Variants in RTN1 observed in about 807,000 individuals in gnomAD.
The protein encoded by RTN1 is reticulon-1.
In RTN1, 25 loss-of-function variants were observed where a neutral mutation model predicts 65.5. The ratio of observed to expected loss-of-function variants is 0.38; its 90% CI spans 0.28 to 0.53. The LOEUF is 0.53. Ranked by LOEUF, RTN1 falls within the 20% of genes least tolerant of loss-of-function variation. The pLI, the probability that RTN1 is intolerant of heterozygous loss-of-function variation, is 0.79. For missense variants in RTN1, 983 were observed against 1,025.4 expected (o/e 0.96, Z 0.57); for synonymous variants, 471 against 447.6 (o/e 1.05, Z -0.66).
At chr14:59,714,921 G>A (rs995262305) in intron 3 of RTN1, among the ~76,000 whole-genome samples, 1 of 152,210 alleles carries the variant, frequency 6.6e-6, no homozygotes, top group Non-Finnish European at 1.5e-5. Context: ...GACACTAGGA[G>A]ATTAGATTCT....
In RTN1 at chr14:59,819,425, ACCCCC is replaced by A. The variant is rs1886891981; in HGVS notation, c.241+50960_241+50964del. Among the ~76,000 whole-genome samples the A allele has an allele frequency of 1.3e-4, 2 of 14,824 alleles. 1 individual carries two copies. Among genetic ancestry groups the A allele is most frequent in the Non-Finnish European group, 2.1e-4 (2 of 9,402 alleles). 9.7% of individuals were successfully genotyped at this position (14,824 alleles called of 152,430 possible). A position where few individuals can be genotyped will look rare whatever the true frequency, so the allele number is the denominator to read the frequency against. Reference sequence around the variant, plus strand: ...TCCACACCACCACCACCCCCCCCCCACCCCCCACCCCCCCCCCCCGGCCACAGCTA... The same window carrying A: ...TCCACACCACCACCACCCCCCCCCCACACCCCCCCCCCCCGGCCACAGCTA... On this transcript the variant is annotated intron_variant, in intron 1 of 8. Coordinates refer to ENST00000267484, the MANE Select transcript of RTN1 (RefSeq NM_021136.3).
intron 1 of RTN1, among the ~76,000 whole-genome samples, chr14:59,749,579 A>ATT: frequency 2.7e-5 from 1 of 37,092 alleles, no homozygotes; most frequent in East Asian, 7.1e-4. Flanking sequence ...ATATATATAT[A>ATT]TAGATATTTA....
At chr14:59,811,834 G>A (rs910253413) in intron 1 of RTN1, among the ~76,000 whole-genome samples, 5 of 152,128 alleles carry the variant, frequency 3.3e-5, no homozygotes, top group African/African-American at 4.8e-5. Flanking sequence ...CTGAAGCAGC[G>A]GTTCTCAACC....
chr14:59,834,789 T>TA, intron 1 of RTN1, among the ~76,000 whole-genome samples: 1 of 152,170 alleles, frequency 6.6e-6, no homozygotes, highest in East Asian at 1.9e-4. Flanking sequence ...AAAGTCAAGT[T>TA]AAAACCACAG....
chr14:59,641,139 G>A (rs1033302456), intron 3 of RTN1, among the ~76,000 whole-genome samples: 5 of 151,634 alleles, frequency 3.3e-5, no homozygotes, highest in Non-Finnish European at 5.9e-5. Context: ...TTTTGGGGGG[G>A]GTATTTTTTG....
At chr14:59,702,575 C>T (rs1884202607) in intron 3 of RTN1, among the ~76,000 whole-genome samples, 1 of 152,166 alleles carries the variant, frequency 6.6e-6, no homozygotes, top group Non-Finnish European at 1.5e-5. Context: ...TGCCCCACAG[C>T]CAGTTGATCA....
intron 1 of RTN1, among the ~76,000 whole-genome samples, chr14:59,828,580 A>G (rs558163815): frequency 1.3e-5 from 2 of 152,330 alleles, no homozygotes; most frequent in Admixed American, 6.5e-5. Context: ...CACAGGAAAA[A>G]TGGGCAGCCC....
chr14:59,603,854 A>G lies in RTN1; in HGVS notation c.2180T>C (p.Met727Thr). 2 of 1,610,820 alleles carry G rather than the reference A, an allele frequency of 1.2e-6. No individual in the cohort carries two copies. The highest frequency in any genetic ancestry group is 4.5e-5 in the East Asian group (2 of 44,782). Reference sequence around the variant, plus strand: ...TATACAGTCTTATCTGCTCTTACCCATGAGCAGCAGGGTCAGGCCATTGAA... The same window carrying G: ...TATACAGTCTTATCTGCTCTTACCCGTGAGCAGCAGGGTCAGGCCATTGAA... ...ALFNGLTLLL[M>T]AVVSMFTLPV... is the part of the protein sequence containing the mutation. The change falls in exon 6 of 9, where the codon ATG (methionine) becomes ACG (threonine). Residue 727 changes from methionine (M) to threonine (T), a missense_variant and splice_region_variant. This residue lies in a region of RTN1 where 165 missense variants were observed against 223.6 expected (regional missense o/e 0.74). Coordinates refer to ENST00000267484, the MANE Select transcript of RTN1 (RefSeq NM_021136.3).
Position 59,596,708 on chromosome 14 carries a change from A to G in RTN1, c.*37T>C. 1 of 1,522,982 alleles carries G rather than the reference A, an allele frequency of 6.6e-7. No homozygotes were observed. The highest frequency in any genetic ancestry group is 9.1e-7 in the Non-Finnish European group (1 of 1,097,134). The allele number at this position is 1,522,982 out of a possible 1,614,324, so 94.3% of individuals were successfully genotyped here. The stretch of plus-strand genomic sequence containing the variant: ...GAAGAGAGCTGTTACCACTCCAGAC[A>G]TTCCTGTTTGTGTCCAGTCCCCGGT... On this transcript the variant is annotated 3_prime_UTR_variant, in exon 9 of 9. Transcript: ENST00000267484.
intron 3 of RTN1, among the ~76,000 whole-genome samples, chr14:59,690,778 C>T (rs1215974950): frequency 6.6e-6 from 1 of 151,948 alleles, no homozygotes; most frequent in Non-Finnish European, 1.5e-5. Flanking sequence ...AAAATAAACA[C>T]CAAGAAGATC....
intron 1 of RTN1, among the ~76,000 whole-genome samples, chr14:59,799,148 T>C (rs573419108): frequency 6.6e-6 from 1 of 152,312 alleles, no homozygotes; most frequent in South Asian, 2.1e-4. Context: ...ACCTCGTGAT[T>C]TGAGATGAAA....
In RTN1 at chr14:59,749,396, ATATATATCTATATCTATATATATC is replaced by A. The variant is rs1566711745; in HGVS notation, c.242-2939_242-2916del. On this transcript the variant is annotated intron_variant, in intron 1 of 8. Transcript: ENST00000267484. The stretch of plus-strand genomic sequence containing the variant: ...TATATATCTATATCTATATATATCT[ATATATATCTATATCTATATATATC>A]TATATATCTATATATATCTATATCT... Among the ~76,000 whole-genome samples the A allele has an allele frequency of 2.0e-3, 145 of 70,982 alleles. 32 individuals carry two copies. The highest frequency in any genetic ancestry group is 0.016 in the East Asian group (42 of 2,702). 46.6% of individuals were successfully genotyped at this position (70,982 alleles called of 152,430 possible). A position where few individuals can be genotyped will look rare whatever the true frequency, so the allele number is the denominator to read the frequency against.
chr14:59,633,624 T>G (rs1882602096), intron 3 of RTN1, among the ~76,000 whole-genome samples: 2 of 152,146 alleles, frequency 1.3e-5, no homozygotes, highest in Admixed American at 1.3e-4. Context: ...GAAAGCAAAA[T>G]AAAGCTTGCT....
chr14:59,623,720 G>A (rs923632489), intron 3 of RTN1, among the ~76,000 whole-genome samples: 2 of 151,948 alleles, frequency 1.3e-5, no homozygotes, highest in Non-Finnish European at 2.9e-5. Context: ...TCATTGTAGT[G>A]GAATAGAAAA....
chr14:59,642,123 A>G (rs975984858), intron 3 of RTN1, among the ~76,000 whole-genome samples: 1 of 152,130 alleles, frequency 6.6e-6, no homozygotes, highest in African/African-American at 2.4e-5. Flanking sequence ...CAGAGGTTTA[A>G]TTTGGCAGTT....
At chr14:59,603,645 C>A in intron 6 of RTN1, 1 of 349,038 alleles carries the variant, frequency 2.9e-6, no homozygotes, top group Non-Finnish European at 5.1e-6. Context: ...AAAAAAAACC[C>A]TTTAGACTTA....
At chr14:59,681,543 A>C (rs1262841188) in intron 3 of RTN1, among the ~76,000 whole-genome samples, 2 of 152,106 alleles carry the variant, frequency 1.3e-5, no homozygotes, top group African/African-American at 4.8e-5. Flanking sequence ...CTGGGTCACT[A>C]ATACTCTGTA....
At chr14:59,802,056 T>C (rs1886556449) in intron 1 of RTN1, among the ~76,000 whole-genome samples, 1 of 152,232 alleles carries the variant, frequency 6.6e-6, no homozygotes, top group African/African-American at 2.4e-5. Context: ...TAGAGGAAAT[T>C]GTGAACATTG....
At chr14:59,820,836 A>T (rs1886931152) in intron 1 of RTN1, among the ~76,000 whole-genome samples, 1 of 152,096 alleles carries the variant, frequency 6.6e-6, no homozygotes, top group Admixed American at 6.5e-5. Flanking sequence ...ATGCAGCTTT[A>T]TTTTAGGGTT....
Sources: gnomAD v4.1 joint callset for allele counts (sites outside exome capture counted in the v4.1 genomes callset) on GRCh38, gnomAD v4.1.1 for gene constraint, gnomAD v4.1.1 regional missense constraint, MANE v1.5 for transcripts, NCBI Gene and HGNC (gene_info 2026-07-23, HGNC 2026-07-21) for gene names.